Variants in PON3 observed in about 807,000 individuals in gnomAD.
PON3 encodes paraoxonase 3.
PON3 carries 37 observed loss-of-function variants against 36.3 expected under a neutral mutation model. The observed-to-expected ratio is 1.02, with a 90% CI of 0.78 to 1.34. The LOEUF (loss-of-function observed/expected upper bound fraction) is 1.34. PON3 is among the 40% of genes most tolerant of loss of function. The probability of loss-of-function intolerance (pLI) is 0.00; values close to 1 mark genes in which losing one functional copy is unlikely to be tolerated. For missense variants in PON3, 415 were observed against 426.5 expected, an observed-to-expected ratio of 0.97 and a Z score of 0.24; for synonymous variants, 155 against 154.8, an observed-to-expected ratio of 1.00 and a Z score of -0.01.
chr7:95,392,737 G>A (rs1006378927), intron 2 of PON3, among the ~76,000 whole-genome samples: 9 of 152,152 alleles, frequency 5.9e-5, no homozygotes, highest in African/African-American at 1.2e-4. Flanking sequence ...ACGTATCATC[G>A]AATTATTCAT....
At chr7:95,390,798 T>C (rs1809301531) in intron 2 of PON3, among the ~76,000 whole-genome samples, 1 of 152,226 alleles carries the variant, frequency 6.6e-6, no homozygotes, top group Non-Finnish European at 1.5e-5. Flanking sequence ...CAGCATTTTT[T>C]TCTATGGAAA....
intron 3 of PON3, among the ~76,000 whole-genome samples, chr7:95,389,805 C>T (rs1159171575): frequency 6.6e-6 from 1 of 152,128 alleles, no homozygotes; most frequent in Non-Finnish European, 1.5e-5. Context: ...AAGATGACTA[C>T]CAGAAGCGGA....
At chr7:95,366,468 G>A (rs777231237) in intron 5 of PON3, among the ~76,000 whole-genome samples, 1 of 152,170 alleles carries the variant, frequency 6.6e-6, no homozygotes, top group African/African-American at 2.4e-5. Context: ...AATACATGAT[G>A]TTGAGAAAGA....
chr7:95,381,145 C>A (rs1430566557), intron 3 of PON3, among the ~76,000 whole-genome samples: 1 of 152,114 alleles, frequency 6.6e-6, no homozygotes, highest in Admixed American at 6.5e-5. Context: ...TACAGACAAG[C>A]AAATGCAGAG....
rs868790361 is a variant in PON3, at chr7:95,378,557, C to T, written c.202-6219G>A. 5.9e-5 allele frequency among the ~76,000 whole-genome samples: 9 copies of T among 152,298 alleles called. 1 individual carries two copies. In the South Asian group the frequency reaches 1.7e-3, roughly 28 times the overall value. ...CCCATTAGACTAACAGCTGATCTCT[C>T]GGCACAAACCCTACAAGCCAGAAGA... On this transcript the variant is annotated intron_variant, in intron 3 of 8. Transcript: ENST00000265627.
chr7:95,376,892 T>C (rs1172200584), intron 3 of PON3, among the ~76,000 whole-genome samples: 2 of 152,210 alleles, frequency 1.3e-5, no homozygotes, highest in Non-Finnish European at 1.5e-5. Flanking sequence ...TCATTGGGAC[T>C]GGTTGGACAG....
chr7:95,366,094 T>A lies in PON3; in HGVS notation c.494+1268A>T, dbSNP rs1808685834. ...CCCATAACCTTCTCCCTTCCTTGCC[T>A]CACACTGGTTTCTCAAGTCTGCTTC... On this transcript the variant is annotated intron_variant, in intron 5 of 8. Transcript: ENST00000265627. 2.0e-5 allele frequency among the ~76,000 whole-genome samples: 3 copies of A among 152,144 alleles called. No homozygotes were observed. The South Asian group carries it at 6.2e-4, about 32-fold the overall frequency.
intron 3 of PON3, among the ~76,000 whole-genome samples, chr7:95,385,487 A>G (rs768946419): frequency 6.6e-6 from 1 of 152,096 alleles, no homozygotes; most frequent in Non-Finnish European, 1.5e-5. Context: ...TTAACACCCC[A>G]CTGTCAATAT....
intron 7 of PON3, 42 bp from the exon 8 acceptor site, chr7:95,362,532 T>C: frequency 6.2e-7 from 1 of 1,612,272 alleles, no homozygotes; most frequent in Non-Finnish European, 8.5e-7. Flanking sequence ...GTCTCAATGA[T>C]TCCTCGCTTT....
At chr7:95,381,810 A>C (rs111897700) in intron 3 of PON3, among the ~76,000 whole-genome samples, 4,247 of 152,162 alleles carry the variant, frequency 0.028, 113 homozygotes, top group African/African-American at 0.068. Flanking sequence ...AGAAAGTTAA[A>C]AAGGATATCC....
intron 8 of PON3, among the ~76,000 whole-genome samples, chr7:95,360,958 T>C (rs2116372131): frequency 6.6e-6 from 1 of 152,264 alleles, no homozygotes; most frequent in South Asian, 2.1e-4. Context: ...TTAAAGGGTG[T>C]CAGTAATTGT....
intron 2 of PON3, 103 bp downstream of exon 2, chr7:95,394,541 G>T: frequency 1.0e-6 from 1 of 985,422 alleles, no homozygotes; most frequent in Non-Finnish European, 1.6e-6. Context: ...CCACTGGGAG[G>T]GCTTAAGTAG....
intron 8 of PON3, among the ~76,000 whole-genome samples, chr7:95,360,594 T>C (rs1808545527): frequency 6.6e-6 from 1 of 152,192 alleles, no homozygotes; most frequent in Non-Finnish European, 1.5e-5. Flanking sequence ...GCAAAGTTGC[T>C]AGAAAGCATA....
intron 6 of PON3, 45 bp from the exon 7 acceptor site, chr7:95,362,886 G>A (rs879210497): frequency 1.5e-6 from 2 of 1,357,248 alleles, no homozygotes; most frequent in Non-Finnish European, 2.1e-6. Flanking sequence ...GGTAATGAGA[G>A]ACAACACTCA....
intron 4 of PON3, among the ~76,000 whole-genome samples, chr7:95,371,075 C>CA (rs560955435): frequency 1.3e-5 from 2 of 152,302 alleles, no homozygotes; most frequent in East Asian, 3.9e-4. Context: ...TAAATTCCTT[C>CA]AGTTGGCATA....
Position 95,360,198 on chromosome 7 carries a change from A to G in PON3, c.907-67T>C, listed in dbSNP as rs970970284. 7.2e-6 allele frequency: 10 copies of G among 1,389,442 alleles called. No homozygotes were observed. The African/African-American group carries it at 1.3e-4, about 18-fold the overall frequency. 86.1% of individuals were successfully genotyped at this position (1,389,442 alleles called of 1,614,324 possible). A position where few individuals can be genotyped will look rare whatever the true frequency, so the allele number is the denominator to read the frequency against. On this transcript the variant is annotated intron_variant, in intron 8 of 8. Coordinates refer to ENST00000265627, the MANE Select transcript of PON3 (RefSeq NM_000940.3). ...ACACCTGTTTCATGATGTCCTTCCC[A>G]AACATTCTAGGATAAATCTATTTTT...
At chr7:95,366,101 G>C (rs1808686129) in intron 5 of PON3, among the ~76,000 whole-genome samples, 1 of 152,054 alleles carries the variant, frequency 6.6e-6, no homozygotes, top group African/African-American at 2.4e-5. Flanking sequence ...GCCTCACACT[G>C]GTTTCTCAAG....
At chr7:95,395,982 G>T in intron 1 of PON3, 1 of 439,590 alleles carries the variant, frequency 2.3e-6, no homozygotes, top group Non-Finnish European at 4.2e-6. Context: ...AGCTGGGAAA[G>T]GGGTCATCAC....
intron 6 of PON3, 67 bp from the exon 7 acceptor site, chr7:95,362,908 G>C: frequency 8.4e-7 from 1 of 1,188,760 alleles, no homozygotes; most frequent in South Asian, 1.2e-5. Flanking sequence ...TTTTATTTTG[G>C]AGAAGAGGTA....
Sources: gnomAD v4.1 joint callset for allele counts (sites outside exome capture counted in the v4.1 genomes callset) on GRCh38, gnomAD v4.1.1 for gene constraint, MANE v1.5 for transcripts, NCBI Gene and HGNC (gene_info 2026-07-23, HGNC 2026-07-21) for gene names.